The following SEL1L variants were observed in gnomAD, a reference collection of about 807,000 sequenced individuals.
SEL1L encodes protein sel-1 homolog 1.
SEL1L carries 52 observed loss-of-function variants against 109.8 expected under a neutral mutation model. That is an observed-to-expected ratio of 0.47 (90% CI 0.38 to 0.60). The LOEUF (loss-of-function observed/expected upper bound fraction) is 0.60, where lower values mean the gene tolerates loss of function less well. SEL1L is among the 20% of genes least tolerant of loss of function. The pLI, the probability that SEL1L is intolerant of heterozygous loss-of-function variation, is 0.00. For synonymous variants in SEL1L, 373 were observed against 339.6 expected (o/e 1.10, Z -1.08); for missense variants, 749 against 962.2 (o/e 0.78, Z 2.93).
intron 6 of SEL1L, among the ~76,000 whole-genome samples, chr14:81,502,028 G>A (rs1595518545): frequency 2.0e-5 from 3 of 151,494 alleles, no homozygotes; most frequent in Admixed American, 2.0e-4. Context: ...GTAAGGTAGA[G>A]TCCTGGATTG....
intron 5 of SEL1L, among the ~76,000 whole-genome samples, chr14:81,503,873 G>C (rs531514333): frequency 6.6e-6 from 1 of 152,034 alleles, no homozygotes; most frequent in African/African-American, 2.4e-5. Context: ...AACAAAAAAC[G>C]TACTTGACAA....
chr14:81,501,274 C>T (rs1451870613), intron 6 of SEL1L, among the ~76,000 whole-genome samples: 2 of 152,132 alleles, frequency 1.3e-5, no homozygotes, highest in African/African-American at 4.8e-5. Flanking sequence ...CTGTGATTTG[C>T]GGGTTTTGTC....
intron 11 of SEL1L, among the ~76,000 whole-genome samples, chr14:81,494,116 T>C (rs569533487): frequency 6.6e-6 from 1 of 152,268 alleles, no homozygotes; most frequent in East Asian, 1.9e-4. Flanking sequence ...GAACACACTA[T>C]CCAATGCCTG....
chr14:81,528,493 TCTGA>T (rs1885200122), intron 1 of SEL1L, among the ~76,000 whole-genome samples: 1 of 152,186 alleles, frequency 6.6e-6, no homozygotes, highest in Non-Finnish European at 1.5e-5. Flanking sequence ...TTCCATGTTT[TCTGA>T]CTATTACTTT....
chr14:81,521,485 T>A (rs990211427), intron 3 of SEL1L, among the ~76,000 whole-genome samples: 2 of 152,216 alleles, frequency 1.3e-5, no homozygotes, highest in Non-Finnish European at 2.9e-5. Flanking sequence ...TATGATCATG[T>A]GACACATCAT....
intron 4 of SEL1L, among the ~76,000 whole-genome samples, chr14:81,505,521 T>A (rs1053634024): frequency 1.8e-4 from 27 of 152,070 alleles, no homozygotes; most frequent in East Asian, 1.5e-3. Context: ...ATTATTTTTT[T>A]AAAAATTGGT....
chr14:81,484,630 G>C (rs769592358), intron 18 of SEL1L: 1 of 395,098 alleles, frequency 2.5e-6, no homozygotes, highest in Non-Finnish European at 4.7e-6. Flanking sequence ...AACCAAGTTG[G>C]TGTGTGTGTA....
intron 3 of SEL1L, among the ~76,000 whole-genome samples, chr14:81,516,499 GA>G (rs1164358836): frequency 1.3e-5 from 2 of 152,190 alleles, no homozygotes; most frequent in African/African-American, 4.8e-5. Flanking sequence ...TGAATATGGG[GA>G]ACAAGTTACC....
At chr14:81,531,737 TTCG>T (rs1885331648) in intron 1 of SEL1L, among the ~76,000 whole-genome samples, 1 of 152,086 alleles carries the variant, frequency 6.6e-6, no homozygotes, top group Non-Finnish European at 1.5e-5. Flanking sequence ...GAGATGGGGT[TTCG>T]CCATGTTGCC....
intron 3 of SEL1L, among the ~76,000 whole-genome samples, chr14:81,512,087 T>C (rs887921146): frequency 6.6e-6 from 1 of 152,240 alleles, no homozygotes; most frequent in Non-Finnish European, 1.5e-5. Context: ...GGCTGGGCCA[T>C]AGTGCCCAGA....
rs1884070276 is a variant in SEL1L at position 81,502,854 on chromosome 14, C to T, written c.644G>A (p.Ser215Asn). 3 of 1,613,710 alleles carry T rather than the reference C, an allele frequency of 1.9e-6. No individual in the cohort carries two copies. The African/African-American group carries it at 4.0e-5, about 22-fold the overall frequency. Reference sequence around the variant, plus strand: ...CTCCAGGGCTTTGGTATGGTTCATGCTTGCTGCCTTTTGGAGATACCGATA... The same window carrying T: ...CTCCAGGGCTTTGGTATGGTTCATGTTTGCTGCCTTTTGGAGATACCGATA... ...EAYRYLQKAA[S>N]MNHTKALERV... is the part of the protein sequence containing the mutation. The change falls in exon 6 of 21, where the codon AGC (serine) becomes AAC (asparagine). Residue 215 changes from serine to asparagine, a missense_variant. By Grantham distance (46) the Ser-to-Asn change is conservative. This residue lies in a region of SEL1L where 366 missense variants were observed against 399.8 expected (regional missense o/e 0.92). Coordinates refer to ENST00000336735, the MANE Select transcript of SEL1L (RefSeq NM_005065.6).
intron 3 of SEL1L, among the ~76,000 whole-genome samples, chr14:81,513,240 G>A (rs1884560126): frequency 6.6e-6 from 1 of 152,170 alleles, no homozygotes; most frequent in African/African-American, 2.4e-5. Context: ...CCAAATAAGG[G>A]AATAAAAGCT....
At chr14:81,486,239 G>C (rs761355433) in intron 17 of SEL1L, 50 bp downstream of exon 17, 2 of 1,553,430 alleles carry the variant, frequency 1.3e-6, no homozygotes, top group East Asian at 2.2e-5. Context: ...CAGTTTACTG[G>C]TGTGAACTCG....
chr14:81,501,739 T>A (rs974829655), intron 6 of SEL1L, among the ~76,000 whole-genome samples: 3 of 152,146 alleles, frequency 2.0e-5, no homozygotes, highest in Non-Finnish European at 4.4e-5. Flanking sequence ...GGTGTCAATC[T>A]TAGCATTATT....
At chr14:81,501,415 T>A (rs1358683880) in intron 6 of SEL1L, among the ~76,000 whole-genome samples, 4 of 152,174 alleles carry the variant, frequency 2.6e-5, no homozygotes, top group Non-Finnish European at 4.4e-5. Flanking sequence ...CAGAGCAGAA[T>A]ACCTCTGAAA....
rs915889881 is a variant in SEL1L at position 81,472,381 on chromosome 14, G to C, written c.*4591C>G. 1.3e-5 allele frequency: 3 copies of C among 239,696 alleles called. No individual in the cohort carries two copies. Among genetic ancestry groups the C allele is most frequent in the African/African-American group, 7.0e-5 (3 of 42,566 alleles). 14.8% of individuals were successfully genotyped at this position (239,696 alleles called of 1,614,324 possible). Reference sequence around the variant, plus strand: ...TTTATCCAAGATCCAATGCTTCTGAGCTGGAACATTTTACCTCAGTTACCT... The same window carrying C: ...TTTATCCAAGATCCAATGCTTCTGACCTGGAACATTTTACCTCAGTTACCT... On this transcript the variant is annotated 3_prime_UTR_variant, in exon 21 of 21. Coordinates refer to ENST00000336735, the MANE Select transcript of SEL1L (RefSeq NM_005065.6).
intron 18 of SEL1L, among the ~76,000 whole-genome samples, chr14:81,485,451 G>GTTT (rs370288974): frequency 7.2e-6 from 1 of 138,810 alleles, no homozygotes; most frequent in African/African-American, 2.7e-5. Flanking sequence ...AATTTTTTTT[G>GTTT]TTTTTTTTTT....
intron 3 of SEL1L, among the ~76,000 whole-genome samples, chr14:81,518,349 A>G (rs1216536495): frequency 6.6e-6 from 1 of 151,988 alleles, no homozygotes; most frequent in Non-Finnish European, 1.5e-5. Flanking sequence ...AAAAACAAAT[A>G]ATAGGTAAAA....
Position 81,504,988 on chromosome 14 carries a change from C to G in SEL1L, c.509-682G>C, listed in dbSNP as rs1884179312. Among the ~76,000 whole-genome samples, 3 of 152,162 alleles carry G rather than the reference C, an allele frequency of 2.0e-5. No homozygotes were observed. In the South Asian group the frequency reaches 6.2e-4, roughly 31 times the overall value. On this transcript the variant is annotated intron_variant, in intron 4 of 20. Transcript: ENST00000336735. ...TTGCAGAACTGTGAGCCAATTAAGC[C>G]TCCTTTATTAATAAATTTCCCAGTC... is the stretch of plus-strand genomic sequence containing the variant.
Sources: allele counts gnomAD v4.1 joint callset (sites outside exome capture counted in the v4.1 genomes callset), GRCh38; gene constraint gnomAD v4.1.1; regional missense constraint gnomAD v4.1.1; transcripts MANE v1.5; gene names NCBI Gene and HGNC (gene_info 2026-07-23, HGNC 2026-07-21).